Variants in SLC7A2 observed in about 807,000 individuals in gnomAD.
The protein encoded by SLC7A2 is solute carrier family 7 member 2.
SLC7A2 carries 48 observed loss-of-function variants against 58.9 expected under a neutral mutation model. The observed-to-expected ratio is 0.82, with a 90% confidence interval of 0.65 to 1.04. The LOEUF (loss-of-function observed/expected upper bound fraction) is 1.04. Ranked by LOEUF, SLC7A2 falls within the 50% of genes least tolerant of loss-of-function variation. SLC7A2 has a pLI of 0.00. For missense variants in SLC7A2, 1,029 were observed against 818.8 expected (o/e 1.26, Z -3.13); for synonymous variants, 363 against 314.5 (o/e 1.15, Z -1.63).
In SLC7A2 at chr8:17,560,678, A is replaced by G. The variant is rs1802935058; in HGVS notation, c.1504+145A>G. On this transcript the variant is annotated intron_variant, in intron 10 of 12. Coordinates refer to ENST00000494857, the MANE Select transcript of SLC7A2 (RefSeq NM_001370338.1). ...TGAAATTTTCACCTAAAGCATCACCAGTGGTTGAGATCATCTTTATATTAC... is the reference window on the plus strand; with the variant it reads ...TGAAATTTTCACCTAAAGCATCACCGGTGGTTGAGATCATCTTTATATTAC... The G allele has an allele frequency of 2.6e-5, 17 of 650,864 alleles. No homozygotes were observed. The South Asian group carries it at 2.9e-4, about 11-fold the overall frequency. The allele number at this position is 650,864 out of a possible 1,614,324, so 40.3% of individuals were successfully genotyped here. A position where few individuals can be genotyped will look rare whatever the true frequency, so the allele number is the denominator to read the frequency against.
At chr8:17,552,122 G>T (rs996249023) in intron 7 of SLC7A2, 136 bp downstream of exon 7, 10 of 661,248 alleles carry the variant, frequency 1.5e-5, no homozygotes, top group African/African-American at 1.3e-4. Context: ...TTATTGATTG[G>T]CTTGCTCAGA....
At chr8:17,517,801 C>A (rs960964720) in intron 2 of SLC7A2, among the ~76,000 whole-genome samples, 11 of 151,958 alleles carry the variant, frequency 7.2e-5, no homozygotes, top group African/African-American at 2.4e-4. Context: ...TTCAAATTTT[C>A]TTTCATCAGC....
intron 2 of SLC7A2, among the ~76,000 whole-genome samples, chr8:17,512,586 G>GA (rs1800649862): frequency 6.7e-6 from 1 of 150,234 alleles, no homozygotes; most frequent in South Asian, 2.1e-4. Context: ...GGAGTGGAGT[G>GA]AAAAATATAT....
intron 5 of SLC7A2, 22 bp downstream of exon 5, chr8:17,548,865 T>C (rs1170258320): frequency 1.3e-6 from 2 of 1,578,512 alleles, no homozygotes; most frequent in Admixed American, 3.8e-5. Flanking sequence ...GAGGTTTTTT[T>C]TTTTCTCCTT....
chr8:17,506,653 A>T (rs1264122389), intron 2 of SLC7A2, among the ~76,000 whole-genome samples: 2 of 152,234 alleles, frequency 1.3e-5, no homozygotes, highest in Non-Finnish European at 2.9e-5. Context: ...GAGGTTAGAC[A>T]GCTAGGGATA....
chr8:17,550,312 C>A lies in SLC7A2; in HGVS notation c.710C>A (p.Ser237Tyr), dbSNP rs188973136. ...GTTCTCTTTCTTAGAGAGCCACCTTCTGAAAACGGAACAAGTATCTATGGG... is the reference window on the plus strand; with the variant it reads ...GTTCTCTTTCTTAGAGAGCCACCTTATGAAAACGGAACAAGTATCTATGGG... ...NISASAREPP[S>Y]ENGTSIYGAG... The change falls in exon 6 of 13, where the codon TCT (serine) becomes TAT (tyrosine). Residue 237 changes from serine to tyrosine, a missense_variant. Transcript: ENST00000494857. 4.3e-6 allele frequency: 7 copies of A among 1,613,714 alleles called. No individual in the cohort carries two copies. The Admixed American group carries it at 1.2e-4, about 27-fold the overall frequency.
In SLC7A2 at chr8:17,529,353, T is replaced by A. The variant is rs1321018856; in HGVS notation, c.-22-13965T>A. Among the ~76,000 whole-genome samples, 5 of 121,222 alleles carry A rather than the reference T, an allele frequency of 4.1e-5. No individual in the cohort carries two copies. In the East Asian group the frequency reaches 1.2e-3, roughly 28 times the overall value. The allele number at this position is 121,222 out of a possible 152,430, so 79.5% of individuals were successfully genotyped here. A position where few individuals can be genotyped will look rare whatever the true frequency, so the allele number is the denominator to read the frequency against. ...CTCATTTCTAGGGCTCAATTGCCAG[T>A]CATTTATGGCCAGCGAAATACTATT... On this transcript the variant is annotated intron_variant, in intron 2 of 12. Coordinates refer to ENST00000494857, the MANE Select transcript of SLC7A2 (RefSeq NM_001370338.1).
At chr8:17,517,395 A>G (rs1469872005) in intron 2 of SLC7A2, among the ~76,000 whole-genome samples, 1 of 152,240 alleles carries the variant, frequency 6.6e-6, no homozygotes, top group Non-Finnish European at 1.5e-5. Flanking sequence ...GAGATTGAGA[A>G]GCCCAGAGAT....
chr8:17,509,754 A>ACTG (rs1800525107), intron 2 of SLC7A2, among the ~76,000 whole-genome samples: 1 of 152,206 alleles, frequency 6.6e-6, no homozygotes, highest in East Asian at 1.9e-4. Flanking sequence ...CATTTCACTA[A>ACTG]AACAGCTACT....
chr8:17,500,327 A>G (rs971309871), intron 1 of SLC7A2: 1 of 152,224 alleles, frequency 6.6e-6, no homozygotes, highest in Non-Finnish European at 1.5e-5. Flanking sequence ...GTAGTAACAA[A>G]TTTGTCCGCA....
intron 2 of SLC7A2, chr8:17,538,686 G>A: frequency 1.1e-6 from 1 of 924,898 alleles, no homozygotes; most frequent in Non-Finnish European, 1.6e-6. Flanking sequence ...GTTGGGTTTG[G>A]ACATTGCAAA....
intron 2 of SLC7A2, among the ~76,000 whole-genome samples, chr8:17,528,204 A>C (rs540847918): frequency 6.6e-6 from 1 of 152,174 alleles, no homozygotes; most frequent in Admixed American, 6.5e-5. Context: ...AGCTCCGTAC[A>C]CTGTCGAGGT....
At chr8:17,499,258 A>T (rs1800062209) in intron 1 of SLC7A2, 2 of 146,420 alleles carry the variant, frequency 1.4e-5, no homozygotes, top group South Asian at 2.2e-4. Flanking sequence ...CTCTTGTTTT[A>T]TTTTTCCCTC....
rs370845505 is a variant in SLC7A2, at chr8:17,543,743, T to C, written c.376+28T>C. The stretch of plus-strand genomic sequence containing the variant: ...ATGTTTCAAAAAGAAATCTAACTTG[T>C]GTGGAATGGAAGAAATCGCAGCCCT... On this transcript the variant is annotated intron_variant, in intron 3 of 12. Coordinates refer to ENST00000494857, the MANE Select transcript of SLC7A2 (RefSeq NM_001370338.1). The C allele has an allele frequency of 6.0e-6, 9 of 1,509,760 alleles. No homozygotes were observed. In the African/African-American group the frequency reaches 9.8e-5, roughly 16 times the overall value. 93.5% of individuals were successfully genotyped at this position (1,509,760 alleles called of 1,614,324 possible). A position where few individuals can be genotyped will look rare whatever the true frequency, so the allele number is the denominator to read the frequency against.
At chr8:17,496,360 A>G (rs1322740852), upstream of SLC7A2, among the ~76,000 whole-genome samples, 3 of 152,146 alleles carry the variant, frequency 2.0e-5, no homozygotes, top group African/African-American at 4.8e-5. Context: ...ACACACACTG[A>G]CACACACTTA....
chr8:17,540,489 A>T lies in SLC7A2; in HGVS notation c.-22-2829A>T, dbSNP rs1801864505. 4.0e-5 allele frequency among the ~76,000 whole-genome samples: 6 copies of T among 151,472 alleles called. No individual in the cohort carries two copies. In the South Asian group the frequency reaches 1.3e-3, roughly 32 times the overall value. On this transcript the variant is annotated intron_variant, in intron 2 of 12. Transcript: ENST00000494857. ...GGAAAGAAGTAATTTGCCTACACAGACCTCCCCCCAACCCCTCCAAAAAAG... is the reference window on the plus strand; with the variant it reads ...GGAAAGAAGTAATTTGCCTACACAGTCCTCCCCCCAACCCCTCCAAAAAAG...
In SLC7A2 at chr8:17,566,365, G is replaced by A. The variant is rs1376891225; in HGVS notation, c.*1219G>A. 6.6e-6 allele frequency: 1 copy of A among 152,126 alleles called. No individual in the cohort carries two copies. Among genetic ancestry groups the A allele is most frequent in the African/African-American group, 2.4e-5 (1 of 41,434 alleles). 9.4% of individuals were successfully genotyped at this position (152,126 alleles called of 1,614,324 possible). ...TCTGATAGGAACGGCCTGTTCCATT[G>A]TTAAATGGCAAATGGCCCAATTTAA... is the stretch of plus-strand genomic sequence containing the variant. On this transcript the variant is annotated 3_prime_UTR_variant, in exon 13 of 13. Transcript: ENST00000494857.
At chr8:17,512,323 G>T (rs756092631) in intron 2 of SLC7A2, among the ~76,000 whole-genome samples, 4 of 152,104 alleles carry the variant, frequency 2.6e-5, no homozygotes, top group Non-Finnish European at 4.4e-5. Context: ...AAGGAGGGTG[G>T]ATCACCTGAG....
At chr8:17,550,507 G>C in intron 6 of SLC7A2, 73 bp downstream of exon 6, 2 of 1,435,048 alleles carry the variant, frequency 1.4e-6, no homozygotes, top group South Asian at 2.6e-5. Context: ...TGTGGTAGCA[G>C]AGGGTCCAGG....
Sources: allele counts gnomAD v4.1 joint callset (sites outside exome capture counted in the v4.1 genomes callset), GRCh38; gene constraint gnomAD v4.1.1; transcripts MANE v1.5; gene names NCBI Gene and HGNC (gene_info 2026-07-23, HGNC 2026-07-21).